Variants in SIGLEC5 observed in about 807,000 individuals in gnomAD.
SIGLEC5 encodes the protein sialic acid binding Ig like lectin 5.
In SIGLEC5, 34 loss-of-function variants were observed where a neutral mutation model predicts 45.9. The observed-to-expected ratio is 0.74, with a 90% CI of 0.56 to 0.99. SIGLEC5 has a LOEUF of 0.99. SIGLEC5 is among the 50% of genes least tolerant of loss of function. SIGLEC5 has a pLI of 0.00. For synonymous variants in SIGLEC5, 203 were observed against 258.6 expected (o/e 0.79, Z 2.06); for missense variants, 508 against 629.6 (o/e 0.81, Z 2.07).
intron 8 of SIGLEC5, among the ~76,000 whole-genome samples, chr19:51,616,905 TCAAAAAAAAAAAA>T (rs1197951189): frequency 1.6e-3 from 8 of 5,040 alleles, no homozygotes; most frequent in African/African-American, 6.4e-3. Flanking sequence ...AGTGAGACTG[TCAAAAAAAAAAAA>T]CAAAAAAAAA....
chr19:51,613,190 G>A (rs2122610497), intron 8 of SIGLEC5, among the ~76,000 whole-genome samples: 1 of 152,292 alleles, frequency 6.6e-6, no homozygotes, highest in Middle Eastern at 3.4e-3. Context: ...CAAGTTTGCT[G>A]TGAGAGGGGG....
intron 7 of SIGLEC5, 58 bp downstream of exon 7, chr19:51,627,091 C>A: frequency 7.5e-7 from 1 of 1,339,832 alleles, no homozygotes; most frequent in South Asian, 1.2e-5. Flanking sequence ...TTCTGAGATT[C>A]AGTCTCTCCT....
In SIGLEC5 at chr19:51,612,336, C is replaced by T. The variant is rs781599333; in HGVS notation, c.1551G>A (p.Glu517=). The T allele has an allele frequency of 5.0e-6, 8 of 1,613,298 alleles. No homozygotes were observed. The highest frequency in any genetic ancestry group is 2.2e-5 in the East Asian group (1 of 44,836). The part of the protein sequence containing the change: ...GDAPPLEEQK[E]LHYASLSFSE... ...AAAAACTAAGGGAGGCATAATGGAG[C>T]TCCTTTTGTTCTTCCAAGGGAGGGG... The change falls in exon 9 of 9, where the codon GAG becomes GAA. Residue 517 remains glutamate (E), a synonymous_variant. Transcript: ENST00000683636.
intron 8 of SIGLEC5, among the ~76,000 whole-genome samples, chr19:51,614,323 CAG>C (rs1312892380): frequency 3.9e-5 from 6 of 152,100 alleles, no homozygotes; most frequent in Non-Finnish European, 5.9e-5. Context: ...TTTGTAAAGA[CAG>C]GGTTTCGCCA....
chr19:51,616,891 AC>A (rs1983076027), intron 8 of SIGLEC5, among the ~76,000 whole-genome samples: 1 of 133,320 alleles, frequency 7.5e-6, no homozygotes, highest in Admixed American at 8.0e-5. Context: ...AGCCTGGGCA[AC>A]AGAGTGAGAC....
At chr19:51,623,002 T>C (rs1430986401) in intron 8 of SIGLEC5, among the ~76,000 whole-genome samples, 2 of 152,340 alleles carry the variant, frequency 1.3e-5, no homozygotes, top group East Asian at 3.9e-4. Context: ...CAACATTTTC[T>C]TTATCCATTC....
At position 51,627,188 on chromosome 19, in the gene SIGLEC5, G is replaced by A. The variant is rs2122635333; in HGVS notation, c.1343C>T (p.Ala448Val). The A allele has an allele frequency of 1.9e-6, 3 of 1,614,088 alleles. No individual in the cohort carries two copies. In the East Asian group the frequency reaches 6.7e-5, roughly 36 times the overall value. Residue 448 changes from alanine to valine, a missense_variant, in exon 7 of 9, where the codon GCC becomes GTC. Ala to Val is a moderately conservative substitution (Grantham distance 64, BLOSUM62 0). Coordinates refer to ENST00000683636, the MANE Select transcript of SIGLEC5 (RefSeq NM_003830.4). ...GAGGCACAGACAGATACAGAGCAGG[G>A]CCATGACACCAGCACCACCAAGGGC... ...PAALGGAGVM[A>V]LLCICLCLIF... is the part of the protein sequence containing the mutation.
chr19:51,623,667 G>A (rs2122629595), intron 8 of SIGLEC5, among the ~76,000 whole-genome samples: 1 of 152,286 alleles, frequency 6.6e-6, no homozygotes, highest in South Asian at 2.1e-4. Context: ...AGGCATAGAT[G>A]AGAGTATAAA....
At chr19:51,629,263 G>C (rs1197821667) in intron 3 of SIGLEC5, 95 bp downstream of exon 3, 67 of 1,114,048 alleles carry the variant, frequency 6.0e-5, no homozygotes, top group Non-Finnish European at 7.5e-5. Context: ...GTTTCTCTCT[G>C]TCTTCCTTAC....
intron 7 of SIGLEC5, 148 bp downstream of exon 7, chr19:51,627,001 T>C (rs1983504869): frequency 3.2e-6 from 2 of 618,482 alleles, no homozygotes; most frequent in African/African-American, 3.7e-5. Context: ...ACCTCCATGA[T>C]CAAGTGATCC....
At chr19:51,628,124 G>T (rs1722530933) in intron 4 of SIGLEC5, 33 bp from the exon 5 acceptor site, 1 of 1,498,110 alleles carries the variant, frequency 6.7e-7, no homozygotes, top group African/African-American at 1.4e-5. Context: ...AAAGAGAGAT[G>T]GGGCCAGGGA....
At position 51,616,906 on chromosome 19, in the gene SIGLEC5, C is replaced by CAAAAAAAA. The variant is rs34974873; in HGVS notation, c.1465-4492_1465-4485dup. The stretch of plus-strand genomic sequence containing the variant: ...AGCCTGGGCAACAGAGTGAGACTGT[C>CAAAAAAAA]AAAAAAAAAAAACAAAAAAAAAAAA... On this transcript the variant is annotated intron_variant, in intron 8 of 8. Transcript: ENST00000683636. Among the ~76,000 whole-genome samples, 10 of 46,382 alleles carry CAAAAAAAA rather than the reference C, an allele frequency of 2.2e-4. 2 individuals are homozygous for CAAAAAAAA. The highest frequency in any genetic ancestry group is 2.0e-3 in the South Asian group (2 of 978). The allele number at this position is 46,382 out of a possible 152,430, so 30.4% of individuals were successfully genotyped here.
At chr19:51,628,182 C>T (rs1036379231) in intron 4 of SIGLEC5, 91 bp from the exon 5 acceptor site, 1 of 1,367,310 alleles carries the variant, frequency 7.3e-7, no homozygotes, top group Non-Finnish European at 9.8e-7. Context: ...CAGATGACAT[C>T]TCCCTCTCCT....
intron 8 of SIGLEC5, 38 bp from the exon 9 acceptor site, chr19:51,612,460 A>G (rs1369794578): frequency 6.9e-7 from 1 of 1,440,726 alleles, no homozygotes; most frequent in African/African-American, 1.4e-5. Context: ...CAGTAGGAAT[A>G]AAGAGGCAGG....
At chr19:51,625,939 G>T in intron 8 of SIGLEC5, 93 bp downstream of exon 8, 1 of 927,640 alleles carries the variant, frequency 1.1e-6, no homozygotes. Context: ...ACTCCCAGGT[G>T]ATGAGGGAGG....
intron 8 of SIGLEC5, among the ~76,000 whole-genome samples, chr19:51,616,561 T>C (rs918743325): frequency 6.6e-6 from 1 of 151,722 alleles, no homozygotes; most frequent in African/African-American, 2.4e-5. Context: ...TAAAAGGAAG[T>C]AGGGAAGGAT....
intron 8 of SIGLEC5, among the ~76,000 whole-genome samples, chr19:51,619,730 A>G (rs1351618873): frequency 1.3e-5 from 2 of 151,982 alleles, no homozygotes; most frequent in African/African-American, 2.4e-5. Flanking sequence ...GAATGAAAAT[A>G]TAGACACTAA....
chr19:51,622,172 C>T (rs1983313946), intron 8 of SIGLEC5, among the ~76,000 whole-genome samples: 2 of 152,002 alleles, frequency 1.3e-5, no homozygotes, highest in Admixed American at 6.6e-5. Flanking sequence ...TGTTCTGTCA[C>T]CCAGGCTGGA....
At position 51,628,045 on chromosome 19, in the gene SIGLEC5, G is replaced by T; in HGVS notation, c.786C>A (p.Gly262=). The T allele has an allele frequency of 6.3e-7, 1 of 1,591,008 alleles. No individual in the cohort carries two copies. Among genetic ancestry groups the T allele is most frequent in the African/African-American group, 1.3e-5 (1 of 74,168 alleles). Residue 262 remains glycine (G), a synonymous_variant, in exon 5 of 9, where the codon GGC becomes GGA. Transcript: ENST00000683636. ...QNTSYLPVLE[G]QALRLLCDAP... is the part of the protein sequence containing the mutation. ...CATCACAGAGCAGCCGCAGAGCCTG[G>T]CCCTCCAGGACCGGAAGGTATGAGG...
Sources: gnomAD v4.1 joint callset for allele counts (sites outside exome capture counted in the v4.1 genomes callset) on GRCh38, gnomAD v4.1.1 for gene constraint, MANE v1.5 for transcripts, NCBI Gene and HGNC (gene_info 2026-07-23, HGNC 2026-07-21) for gene names.